FBXW7: variants seen among roughly 807,000 people sequenced by gnomAD.
The protein encoded by FBXW7 is F-box/WD repeat-containing protein 7.
Under a neutral mutation model 86.3 loss-of-function variants are expected in FBXW7, and 11 were observed. The observed-to-expected ratio is 0.13, with a 90% CI of 0.08 to 0.21. The LOEUF (loss-of-function observed/expected upper bound fraction) is 0.21. FBXW7 is among the 10% of genes least tolerant of loss of function. The probability of loss-of-function intolerance (pLI) is 1.00; values close to 1 mark genes in which losing one functional copy is unlikely to be tolerated. For synonymous variants in FBXW7, 313 were observed against 297.9 expected (o/e 1.05, Z -0.52); for missense variants, 488 against 847.4 (o/e 0.58, Z 5.27).
intron 2 of FBXW7, among the ~76,000 whole-genome samples, chr4:152,444,469 T>C (rs1490107203): frequency 6.6e-6 from 1 of 152,210 alleles, no homozygotes; most frequent in Non-Finnish European, 1.5e-5. Context: ...CTATAATTCC[T>C]AGAAGTAGGT....
chr4:152,335,896 A>G (rs926257288), intron 7 of FBXW7, among the ~76,000 whole-genome samples: 4 of 152,232 alleles, frequency 2.6e-5, no homozygotes, highest in Admixed American at 2.0e-4. Context: ...AATGCTATTC[A>G]TCACAAGCCT....
At chr4:152,359,285 A>G (rs1316254123) in intron 4 of FBXW7, among the ~76,000 whole-genome samples, 2 of 152,214 alleles carry the variant, frequency 1.3e-5, no homozygotes, top group East Asian at 3.9e-4. Flanking sequence ...CTCCCACAAG[A>G]TACTTAAAAT....
chr4:152,388,057 C>T (rs568655893), intron 4 of FBXW7, among the ~76,000 whole-genome samples: 92 of 151,860 alleles, frequency 6.1e-4, no homozygotes, highest in Middle Eastern at 3.4e-3. Context: ...TTAGTATTCA[C>T]AAAAGGTATG....
chr4:152,429,139 G>A (rs1417787215), intron 2 of FBXW7, among the ~76,000 whole-genome samples: 2 of 152,142 alleles, frequency 1.3e-5, no homozygotes, highest in Non-Finnish European at 2.9e-5. Context: ...GTGTTGAGCC[G>A]AGATCGGGTC....
rs1203054687 is a variant in FBXW7, at chr4:152,322,255, A to AT, written c.*625dup. The AT allele has an allele frequency of 8.9e-6, 2 of 224,996 alleles. No individual in the cohort carries two copies. The highest frequency in any genetic ancestry group is 1.8e-5 in the Non-Finnish European group (2 of 113,556). The allele number at this position is 224,996 out of a possible 1,614,324, so 13.9% of individuals were successfully genotyped here. On this transcript the variant is annotated 3_prime_UTR_variant, in exon 14 of 14. Coordinates refer to ENST00000281708, the MANE Select transcript of FBXW7 (RefSeq NM_001349798.2). ...GAGCAACATATGCATTGAAGAATGT[A>AT]TATGGAAGCAACAGTAAATAGATTA...
chr4:152,387,974 C>T (rs1450721142), intron 4 of FBXW7, among the ~76,000 whole-genome samples: 3 of 151,930 alleles, frequency 2.0e-5, no homozygotes, highest in African/African-American at 4.8e-5. Flanking sequence ...TCCCAAAGTG[C>T]TGGGATTACA....
intron 4 of FBXW7, among the ~76,000 whole-genome samples, chr4:152,401,981 G>A (rs1406329990): frequency 6.6e-6 from 1 of 152,096 alleles, no homozygotes; most frequent in Non-Finnish European, 1.5e-5. Flanking sequence ...AGATTGGAGG[G>A]ATAGAAGAAA....
intron 11 of FBXW7, 34 bp from the exon 12 acceptor site, chr4:152,326,265 C>G: frequency 6.7e-7 from 1 of 1,493,836 alleles, no homozygotes; most frequent in Non-Finnish European, 9.1e-7. Flanking sequence ...CAAAACAAAA[C>G]AAAAAAACCC....
chr4:152,474,886 G>A (rs985690558), intron 2 of FBXW7, among the ~76,000 whole-genome samples: 4 of 152,056 alleles, frequency 2.6e-5, no homozygotes, highest in South Asian at 2.1e-4. Context: ...GGATGGTCTC[G>A]ATCTCCCGAC....
At chr4:152,331,418 C>T (rs1729553899) in intron 8 of FBXW7, among the ~76,000 whole-genome samples, 1 of 152,032 alleles carries the variant, frequency 6.6e-6, no homozygotes, top group African/African-American at 2.4e-5. Flanking sequence ...CATGCTATGA[C>T]ATGGATGAAC....
chr4:152,369,855 T>C (rs897665030), intron 4 of FBXW7, among the ~76,000 whole-genome samples: 1 of 151,952 alleles, frequency 6.6e-6, no homozygotes, highest in Non-Finnish European at 1.5e-5. Flanking sequence ...TGACTTCAAA[T>C]ATAAATCAGG....
chr4:152,513,509 T>C (rs1271699143), intron 2 of FBXW7, among the ~76,000 whole-genome samples: 1 of 152,166 alleles, frequency 6.6e-6, no homozygotes, highest in Non-Finnish European at 1.5e-5. Context: ...TCAATAATAA[T>C]GTATGTCTGA....
At chr4:152,507,742 T>C (rs1487320808) in intron 2 of FBXW7, among the ~76,000 whole-genome samples, 1 of 152,010 alleles carries the variant, frequency 6.6e-6, no homozygotes, top group Non-Finnish European at 1.5e-5. Context: ...ACTAGAACAT[T>C]TTGCGCTACT....
intron 2 of FBXW7, among the ~76,000 whole-genome samples, chr4:152,520,227 A>C (rs1197236182): frequency 6.6e-6 from 1 of 151,664 alleles, no homozygotes; most frequent in Non-Finnish European, 1.5e-5. Context: ...AGGTCAGGAG[A>C]TCGAGACCAT....
chr4:152,513,294 A>G (rs1444072630), intron 2 of FBXW7, among the ~76,000 whole-genome samples: 2 of 152,216 alleles, frequency 1.3e-5, no homozygotes, highest in Admixed American at 1.3e-4. Context: ...ATGCAAAGAG[A>G]TCGCAGATAG....
At chr4:152,466,170 A>G (rs1335588062) in intron 2 of FBXW7, among the ~76,000 whole-genome samples, 1 of 152,228 alleles carries the variant, frequency 6.6e-6, no homozygotes, top group African/African-American at 2.4e-5. Context: ...ACTAGACAAC[A>G]TTATAGGTCA....
intron 7 of FBXW7, among the ~76,000 whole-genome samples, chr4:152,335,243 G>C (rs1729952652): frequency 6.6e-6 from 1 of 152,062 alleles, no homozygotes; most frequent in South Asian, 2.1e-4. Context: ...CATGAGGTTG[G>C]AGTCCTCATG....
chr4:152,408,382 G>A (rs1479137681), intron 4 of FBXW7, among the ~76,000 whole-genome samples: 5 of 152,192 alleles, frequency 3.3e-5, no homozygotes, highest in African/African-American at 4.8e-5. Context: ...GAGAATGAGA[G>A]TTAAAACTGA....
chr4:152,476,855 A>G (rs1017736622), intron 2 of FBXW7, among the ~76,000 whole-genome samples: 1 of 152,170 alleles, frequency 6.6e-6, no homozygotes, highest in African/African-American at 2.4e-5. Context: ...GGATACTTTT[A>G]CAGCAATAGT....
Sources: allele counts gnomAD v4.1 joint callset (sites outside exome capture counted in the v4.1 genomes callset), GRCh38; gene constraint gnomAD v4.1.1; transcripts MANE v1.5; gene names NCBI Gene and HGNC (gene_info 2026-07-23, HGNC 2026-07-21).